MAN1A2: variants seen among roughly 807,000 people sequenced by gnomAD.
MAN1A2 encodes the protein mannosyl-oligosaccharide 1,2-alpha-mannosidase IB.
A neutral mutation model predicts 75.7 loss-of-function variants in MAN1A2; 26 were observed. That is an observed-to-expected ratio of 0.34 (90% CI 0.25 to 0.48). The LOEUF (loss-of-function observed/expected upper bound fraction) is 0.48. Ranked by LOEUF, MAN1A2 falls within the 20% of genes least tolerant of loss-of-function variation. The probability of loss-of-function intolerance (pLI) is 0.99; values close to 1 mark genes in which losing one functional copy is unlikely to be tolerated. For synonymous variants in MAN1A2, 247 were observed against 264.6 expected (o/e 0.93, Z 0.65); for missense variants, 562 against 775.5 (o/e 0.72, Z 3.27).
chr1:117,441,202 A>G (rs946782727), intron 5 of MAN1A2, among the ~76,000 whole-genome samples: 2 of 152,152 alleles, frequency 1.3e-5, no homozygotes, highest in East Asian at 3.8e-4. Flanking sequence ...CATTACCTCT[A>G]TGATATTTCC....
At chr1:117,397,285 T>C (rs1161255927) in intron 1 of MAN1A2, among the ~76,000 whole-genome samples, 1 of 152,218 alleles carries the variant, frequency 6.6e-6, no homozygotes, top group African/African-American at 2.4e-5. Context: ...CTCTTCACAA[T>C]ATTGCAACAA....
intron 4 of MAN1A2, among the ~76,000 whole-genome samples, chr1:117,417,534 A>AATATATATAT (rs551507232): frequency 0.079 from 7,067 of 89,034 alleles, 558 homozygotes; most frequent in African/African-American, 0.11. Context: ...CTTGAGTTTA[A>AATATATATAT]ATATATATAT....
At chr1:117,418,085 A>C (rs1234286318) in intron 4 of MAN1A2, among the ~76,000 whole-genome samples, 1 of 152,140 alleles carries the variant, frequency 6.6e-6, no homozygotes, top group East Asian at 1.9e-4. Flanking sequence ...AACTTAACTC[A>C]TCCCCCTTTT....
At chr1:117,466,568 C>A in intron 8 of MAN1A2, 141 bp downstream of exon 8, 1 of 516,652 alleles carries the variant, frequency 1.9e-6, no homozygotes, top group Non-Finnish European at 3.4e-6. Flanking sequence ...TGTTCTTAGG[C>A]ATGTTTCTGA....
chr1:117,523,036 T>C lies in MAN1A2; in HGVS notation c.*79T>C. The C allele has an allele frequency of 6.6e-7, 1 of 1,510,720 alleles. No individual in the cohort carries two copies. Among genetic ancestry groups the C allele is most frequent in the Non-Finnish European group, 9.1e-7 (1 of 1,096,186 alleles). 93.6% of individuals were successfully genotyped at this position (1,510,720 alleles called of 1,614,324 possible). On this transcript the variant is annotated 3_prime_UTR_variant, in exon 13 of 13. Transcript: ENST00000356554. ...CAGAAATTAGTTTGAAGGGGCGGCT[T>C]TTGAAAACCTGGACCTCTATGTCAA... is the stretch of plus-strand genomic sequence containing the variant.
At chr1:117,445,870 G>GTATATATA (rs1342445541) in intron 6 of MAN1A2, among the ~76,000 whole-genome samples, 56 of 114,676 alleles carry the variant, frequency 4.9e-4, no homozygotes, top group Admixed American at 2.4e-3. Context: ...ATGTGTGTGT[G>GTATATATA]TGTCTGTGTG....
At chr1:117,466,970 A>T (rs942470695) in intron 8 of MAN1A2, among the ~76,000 whole-genome samples, 1 of 152,122 alleles carries the variant, frequency 6.6e-6, no homozygotes, top group Non-Finnish European at 1.5e-5. Flanking sequence ...TGACACATAA[A>T]TGTTACTGTA....
chr1:117,424,887 A>T (rs560436480), intron 5 of MAN1A2, among the ~76,000 whole-genome samples: 1 of 152,236 alleles, frequency 6.6e-6, no homozygotes, highest in East Asian at 1.9e-4. Context: ...GTCTTTAAGA[A>T]TCTTCTGAGC....
At chr1:117,414,617 T>C (rs979581610) in intron 3 of MAN1A2, 96 bp from the exon 4 acceptor site, 5 of 647,244 alleles carry the variant, frequency 7.7e-6, no homozygotes, top group Non-Finnish European at 1.1e-5. Context: ...ATAATTAAAA[T>C]ACACTGAATG....
chr1:117,432,600 T>C (rs1255967054), intron 5 of MAN1A2, among the ~76,000 whole-genome samples: 1 of 152,184 alleles, frequency 6.6e-6, no homozygotes, highest in Admixed American at 6.5e-5. Context: ...CCATTTGTAG[T>C]ATTAATTGAA....
At chr1:117,370,737 TAGTG>T (rs1463434233) in intron 1 of MAN1A2, among the ~76,000 whole-genome samples, 2 of 43,882 alleles carry the variant, frequency 4.6e-5, no homozygotes, top group African/African-American at 1.7e-4. Context: ...TATCTTCATT[TAGTG>T]TGTGTGTGTG....
chr1:117,373,763 G>A (rs1045827473), intron 1 of MAN1A2, among the ~76,000 whole-genome samples: 1 of 152,036 alleles, frequency 6.6e-6, no homozygotes, highest in African/African-American at 2.4e-5. Context: ...CAAAGTGTTC[G>A]GATTACAGGT....
intron 8 of MAN1A2, among the ~76,000 whole-genome samples, chr1:117,489,937 CTT>C (rs920448991): frequency 1.5e-4 from 21 of 142,588 alleles, no homozygotes; most frequent in Non-Finnish European, 1.5e-4. Flanking sequence ...AAGAAATGTA[CTT>C]TTTTTTTTTT....
chr1:117,374,881 CTT>C (rs3835639), intron 1 of MAN1A2, among the ~76,000 whole-genome samples: 2,161 of 152,078 alleles, frequency 0.014, 19 homozygotes, highest in East Asian at 0.053. Flanking sequence ...GAATTAGTGT[CTT>C]TTTTGTATAT....
rs747141603 is a variant in MAN1A2 at position 117,368,378 on chromosome 1, C to T, written c.195C>T (p.Arg65=). The change falls in exon 1 of 13, where the codon CGC becomes CGT. Residue 65 remains arginine, a synonymous_variant. Transcript: ENST00000356554. ...FFLPDSSKHK[R]FDLGLEDVLI... is the part of the protein sequence containing the mutation. ...TTCCAGACTCTTCAAAACACAAACG[C>T]TTTGATTTGGGTTTAGAAGATGTGT... 6.2e-7 allele frequency: 1 copy of T among 1,614,022 alleles called. No individual in the cohort carries two copies. Among genetic ancestry groups the T allele is most frequent in the East Asian group, 2.2e-5 (1 of 44,860 alleles).
At chr1:117,472,487 A>G (rs1279078763) in intron 8 of MAN1A2, among the ~76,000 whole-genome samples, 1 of 152,082 alleles carries the variant, frequency 6.6e-6, no homozygotes, top group Non-Finnish European at 1.5e-5. Context: ...GAACAAGTAG[A>G]CAGTGTCCCT....
intron 5 of MAN1A2, among the ~76,000 whole-genome samples, chr1:117,433,315 C>A (rs557944104): frequency 1.3e-5 from 2 of 151,954 alleles, no homozygotes; most frequent in African/African-American, 4.8e-5. Flanking sequence ...TTAAAAAAAT[C>A]GAAAATTGGA....
rs552662366 is a variant in MAN1A2 at position 117,527,257 on chromosome 1, C to G, written c.*4300C>G. On this transcript the variant is annotated 3_prime_UTR_variant, in exon 13 of 13. Transcript: ENST00000356554. ...TTACTCATTTCTGCTGTTGAAGTATCGAAAACAGATAGAGATACTATGTAA... is the reference window on the plus strand; with the variant it reads ...TTACTCATTTCTGCTGTTGAAGTATGGAAAACAGATAGAGATACTATGTAA... 1 of 151,604 alleles carries G rather than the reference C, an allele frequency of 6.6e-6. No homozygotes were observed. The highest frequency in any genetic ancestry group is 1.5e-5 in the Non-Finnish European group (1 of 67,816). The allele number at this position is 151,604 out of a possible 1,614,324, so 9.4% of individuals were successfully genotyped here.
intron 8 of MAN1A2, among the ~76,000 whole-genome samples, chr1:117,487,369 A>T (rs1354465266): frequency 6.6e-6 from 1 of 151,992 alleles, no homozygotes; most frequent in African/African-American, 2.4e-5. Flanking sequence ...CGGAGTAAGG[A>T]GGGAGGGGTG....
Sources: gnomAD v4.1 joint callset for allele counts (sites outside exome capture counted in the v4.1 genomes callset) on GRCh38, gnomAD v4.1.1 for gene constraint, MANE v1.5 for transcripts, NCBI Gene and HGNC (gene_info 2026-07-23, HGNC 2026-07-21) for gene names.